Variants in BSG observed in about 807,000 individuals in gnomAD.
BSG encodes the protein basigin (Ok blood group).
A neutral mutation model predicts 43.1 loss-of-function variants in BSG; 37 were observed. The ratio of observed to expected loss-of-function variants is 0.86; its 90% CI spans 0.66 to 1.13. BSG has a LOEUF of 1.13. Ranked by LOEUF, BSG falls within the 50% of genes most tolerant of loss-of-function variation. The pLI is 0.00. For synonymous variants in BSG, 309 were observed against 238.7 expected, an observed-to-expected ratio of 1.29 and a Z score of -2.72; for missense variants, 599 against 554.2, an observed-to-expected ratio of 1.08 and a Z score of -0.81.
upstream of BSG, chr19:572,269 A>G (rs1018977538): frequency 6.0e-6 from 3 of 497,508 alleles, no homozygotes; most frequent in African/African-American, 4.2e-5. Flanking sequence ...TCTGGGTAAC[A>G]CACTTTCAAC....
rs1237171509 is a variant in BSG, at chr19:577,779, T to C, written c.73T>C (p.Phe25Leu). ...GTHGASGAAGFVQAPLSQQRW... is the reference protein window; with the variant it reads ...GTHGASGAAGLVQAPLSQQRW... ...CACGCGTGCTCTCCCCACAGCCGGC[T>C]TCGTCCAGGCGCCGCTGTCCCAGCA... Residue 25 changes from phenylalanine to leucine, a missense_variant, in exon 2 of 9, where the codon TTC becomes CTC. Phe to Leu is a conservative substitution (Grantham distance 22). Transcript: ENST00000333511. 7.1e-7 allele frequency: 1 copy of C among 1,416,786 alleles called. No individual in the cohort carries two copies. The highest frequency in any genetic ancestry group is 2.6e-5 in the East Asian group (1 of 38,022). The allele number at this position is 1,416,786 out of a possible 1,614,324, so 87.8% of individuals were successfully genotyped here.
chr19:582,237 G>C, intron 6 of BSG, 69 bp from the exon 7 acceptor site: 1 of 1,589,548 alleles, frequency 6.3e-7, no homozygotes, highest in South Asian at 1.1e-5. Context: ...CCTGCTCGGG[G>C]CCTGAGTGGG....
At chr19:571,483 C>T (rs773055939), upstream of BSG, 35 of 777,272 alleles carry the variant, frequency 4.5e-5, no homozygotes, top group Non-Finnish European at 7.7e-5. Context: ...ACCCGCGTTG[C>T]TGAGAGTCTG....
chr19:580,495 C>T (rs374612483), intron 4 of BSG, 34 bp downstream of exon 4: 8 of 1,608,062 alleles, frequency 5.0e-6, no homozygotes, highest in South Asian at 1.1e-5. Flanking sequence ...CGGGCACCAC[C>T]GACTGTCGGG....
chr19:580,594 G>A (rs1568352982), intron 4 of BSG, 52 bp from the exon 5 acceptor site: 1 of 1,609,200 alleles, frequency 6.2e-7, no homozygotes. Flanking sequence ...GGGAGGCCGG[G>A]GATGGGGGCG....
intron 2 of BSG, chr19:578,334 AG>A: frequency 2.1e-6 from 1 of 469,236 alleles, no homozygotes; most frequent in Admixed American, 4.0e-5. Flanking sequence ...CGGGGCAGGC[AG>A]GGCTCTGCCC....
chr19:582,218 A>G, intron 6 of BSG, 88 bp from the exon 7 acceptor site: 1 of 1,561,190 alleles, frequency 6.4e-7, no homozygotes, highest in Non-Finnish European at 8.7e-7. Flanking sequence ...GGCTGGCAGC[A>G]CAGATGCCCC....
At position 572,632 on chromosome 19, in the gene BSG, A is replaced by G. The variant is rs14173; in HGVS notation, c.-3A>G. ...GTTGTAGGACCGGCGAGGAATAGGA[A>G]TCATGGCGGCTGCGCTGTTCGTGCT... On this transcript the variant is annotated 5_prime_UTR_variant, in exon 1 of 9. Coordinates refer to ENST00000333511, the MANE Select transcript of BSG (RefSeq NM_001728.4). 3.6e-4 allele frequency: 546 copies of G among 1,499,458 alleles called. 1 individual carries two copies. In the African/African-American group the frequency reaches 6.2e-3, roughly 17 times the overall value. 92.9% of individuals were successfully genotyped at this position (1,499,458 alleles called of 1,614,324 possible). A position where few individuals can be genotyped will look rare whatever the true frequency, so the allele number is the denominator to read the frequency against.
chr19:575,553 C>T (rs1191751458), intron 1 of BSG, among the ~76,000 whole-genome samples: 1 of 134,946 alleles, frequency 7.4e-6, no homozygotes, highest in Non-Finnish European at 1.5e-5. Flanking sequence ...GGGGAGGTGC[C>T]CGAGGCTGCT....
At chr19:572,832 G>T (rs1981386871) in intron 1 of BSG, 131 bp downstream of exon 1, 4 of 1,095,754 alleles carry the variant, frequency 3.7e-6, no homozygotes, top group Non-Finnish European at 4.7e-6. Flanking sequence ...GGCCGGCCCC[G>T]GGGGCTTCCC....
intron 1 of BSG, among the ~76,000 whole-genome samples, chr19:574,889 A>G (rs1691624720): frequency 6.6e-6 from 1 of 152,162 alleles, no homozygotes; most frequent in African/African-American, 2.4e-5. Flanking sequence ...CGCGGAAGAT[A>G]AGCCGCCCCC....
At chr19:580,610 G>A in intron 4 of BSG, 36 bp from the exon 5 acceptor site, 1 of 1,611,758 alleles carries the variant, frequency 6.2e-7, no homozygotes, top group Non-Finnish European at 8.5e-7. Flanking sequence ...GGGCGGGCCT[G>A]CGGTTCCAGG....
chr19:582,636 A>AGCT, intron 8 of BSG, 54 bp downstream of exon 8: 1 of 962,220 alleles, frequency 1.0e-6, no homozygotes, highest in Middle Eastern at 3.5e-4. Context: ...GGTGGGCGGG[A>AGCT]ACTCCTGAGC....
At chr19:573,140 G>GA (rs1238914578) in intron 1 of BSG, among the ~76,000 whole-genome samples, 1 of 152,184 alleles carries the variant, frequency 6.6e-6, no homozygotes, top group Non-Finnish European at 1.5e-5. Context: ...CATCGGCCAG[G>GA]AGAAGGGAGA....
upstream of BSG, chr19:571,296 TCCTGCCCCTTTCCAGTTAGC>T (rs1981211438): frequency 3.4e-6 from 2 of 581,418 alleles, no homozygotes; most frequent in Middle Eastern, 4.6e-4. Context: ...GTAGCCACAT[TCCTGCCCCTTTCCAGTTAGC>T]CCTTCGCGTT....
chr19:578,118 G>C lies in BSG; in HGVS notation c.412G>C (p.Glu138Gln), dbSNP rs771081703. ...CGCCCAGGCAGTCGTGCTAGTCCTG[G>C]AACGTGAGTGGCGGGCACCTCCCTC... ...VRAQAVVLVL[E>Q]PGTVFTTVED... Residue 138 changes from glutamate to glutamine, a missense_variant, in exon 2 of 9, where the codon GAA (glutamate) becomes CAA (glutamine). Transcript: ENST00000333511. The C allele has an allele frequency of 5.1e-6, 8 of 1,562,570 alleles. No homozygotes were observed. Among genetic ancestry groups the C allele is most frequent in the Non-Finnish European group, 7.0e-6 (8 of 1,149,882 alleles).
chr19:575,191 TGCGCGTG>T (rs1981654456), intron 1 of BSG: 1 of 152,522 alleles, frequency 6.6e-6, no homozygotes, highest in African/African-American at 2.4e-5. Flanking sequence ...TAGCCGTGTG[TGCGCGTG>T]TGTGTGTGTG....
chr19:576,089 C>G (rs1351803698), intron 1 of BSG, among the ~76,000 whole-genome samples: 1 of 152,238 alleles, frequency 6.6e-6, no homozygotes, highest in Non-Finnish European at 1.5e-5. Context: ...GCGGGAGCAC[C>G]GGGACCGGTG....
At chr19:580,133 A>G (rs1051763342) in intron 3 of BSG, among the ~76,000 whole-genome samples, 3 of 147,922 alleles carry the variant, frequency 2.0e-5, no homozygotes, top group Non-Finnish European at 4.4e-5. Flanking sequence ...CAGAGCAGGG[A>G]CCAGAGGTGT....
Sources: allele counts gnomAD v4.1 joint callset (sites outside exome capture counted in the v4.1 genomes callset), GRCh38; gene constraint gnomAD v4.1.1; transcripts MANE v1.5; gene names NCBI Gene and HGNC (gene_info 2026-07-23, HGNC 2026-07-21).